Variants in BMPR1B observed in about 807,000 individuals in gnomAD.
BMPR1B encodes the protein bone morphogenetic protein receptor type-1B.
Under a neutral mutation model 59.1 loss-of-function variants are expected in BMPR1B, and 12 were observed. The observed-to-expected ratio is 0.20, with a 90% CI of 0.13 to 0.33. BMPR1B has a LOEUF of 0.33. Among genes scored for constraint, BMPR1B ranks in the 10% least tolerant of loss-of-function variants. BMPR1B has a pLI of 1.00. For missense variants in BMPR1B, 550 were observed against 610.9 expected, an observed-to-expected ratio of 0.90 and a Z score of 1.05; for synonymous variants, 237 against 207.3, an observed-to-expected ratio of 1.14 and a Z score of -1.23.
chr4:94,908,061 T>TAAAAA (rs571793477), intron 2 of BMPR1B, among the ~76,000 whole-genome samples: 16 of 46,250 alleles, frequency 3.5e-4, no homozygotes, highest in East Asian at 6.0e-4. Context: ...ACCCTGTCTT[T>TAAAAA]AAAAAAAAAA....
intron 3 of BMPR1B, among the ~76,000 whole-genome samples, chr4:94,997,606 T>C (rs893049016): frequency 1.1e-4 from 16 of 152,214 alleles, no homozygotes; most frequent in African/African-American, 3.9e-4. Context: ...TAATGCTTGT[T>C]TTATCATGTG....
At chr4:94,887,361 A>G in intron 2 of BMPR1B, among the ~76,000 whole-genome samples, 1 of 150,006 alleles carries the variant, frequency 6.7e-6, no homozygotes, top group East Asian at 2.0e-4. Flanking sequence ...ATTTTCATAC[A>G]AATCAATGGA....
intron 2 of BMPR1B, among the ~76,000 whole-genome samples, chr4:94,911,528 G>A (rs533813601): frequency 7.9e-5 from 12 of 152,082 alleles, no homozygotes; most frequent in African/African-American, 2.4e-4. Flanking sequence ...TTATGTTTCC[G>A]GGAGTCCTCT....
intron 4 of BMPR1B, among the ~76,000 whole-genome samples, chr4:95,113,806 A>T (rs1731803296): frequency 6.6e-6 from 1 of 152,108 alleles, no homozygotes; most frequent in Admixed American, 6.6e-5. Context: ...CCAGTTCCAT[A>T]ACTGTTTGTT....
At chr4:94,920,354 GTTAA>G (rs1303570986) in intron 2 of BMPR1B, among the ~76,000 whole-genome samples, 3 of 151,938 alleles carry the variant, frequency 2.0e-5, no homozygotes, top group African/African-American at 4.8e-5. Flanking sequence ...ATTGTCTCTT[GTTAA>G]TTAATTATAT....
At chr4:94,934,083 T>C (rs1729196040) in intron 2 of BMPR1B, among the ~76,000 whole-genome samples, 1 of 152,176 alleles carries the variant, frequency 6.6e-6, no homozygotes, top group Admixed American at 6.6e-5. Flanking sequence ...CATATGTGCA[T>C]GAGTGCACAT....
chr4:95,015,868 T>C (rs187207834), intron 3 of BMPR1B, among the ~76,000 whole-genome samples: 4 of 152,266 alleles, frequency 2.6e-5, no homozygotes, highest in African/African-American at 7.2e-5. Flanking sequence ...CATTTTTGTA[T>C]TTTTAGTGGA....
chr4:95,075,059 T>A (rs1466837473), intron 3 of BMPR1B, among the ~76,000 whole-genome samples: 4 of 152,178 alleles, frequency 2.6e-5, no homozygotes, highest in Non-Finnish European at 5.9e-5. Flanking sequence ...AACATCCCAC[T>A]TACTCTTAAG....
At chr4:94,925,276 T>C (rs529753002) in intron 2 of BMPR1B, among the ~76,000 whole-genome samples, 54 of 152,094 alleles carry the variant, frequency 3.6e-4, no homozygotes, top group African/African-American at 1.3e-3. Context: ...CTTTCTTCAC[T>C]CTAGAAATAT....
chr4:95,075,060 T>TAAGAGTAG (rs1728601611), intron 3 of BMPR1B, among the ~76,000 whole-genome samples: 4 of 152,290 alleles, frequency 2.6e-5, no homozygotes, highest in African/African-American at 9.6e-5. Context: ...ACATCCCACT[T>TAAGAGTAG]ACTCTTAAGT....
At chr4:94,890,354 T>C (rs1008389931) in intron 2 of BMPR1B, among the ~76,000 whole-genome samples, 3 of 152,094 alleles carry the variant, frequency 2.0e-5, no homozygotes, top group African/African-American at 7.2e-5. Flanking sequence ...GTTAAATAAA[T>C]GTAAAATTCT....
At chr4:95,066,811 T>C (rs1727844254) in intron 3 of BMPR1B, among the ~76,000 whole-genome samples, 1 of 152,194 alleles carries the variant, frequency 6.6e-6, no homozygotes. Context: ...AGCCCCTCAG[T>C]GATTTTGTTA....
chr4:94,968,357 G>A (rs1730638207), intron 2 of BMPR1B, among the ~76,000 whole-genome samples: 1 of 151,348 alleles, frequency 6.6e-6, no homozygotes, highest in Admixed American at 6.6e-5. Context: ...TTTTGTTGTT[G>A]TTGTTTTTTT....
chr4:94,921,888 A>G (rs1728703222), intron 2 of BMPR1B, among the ~76,000 whole-genome samples: 1 of 152,174 alleles, frequency 6.6e-6, no homozygotes, highest in South Asian at 2.1e-4. Context: ...GTTCATCTTT[A>G]AAAGAAGATC....
chr4:94,982,800 C>T (rs954863055), intron 2 of BMPR1B, among the ~76,000 whole-genome samples: 4 of 151,850 alleles, frequency 2.6e-5, no homozygotes, highest in East Asian at 1.9e-4. Context: ...CTGGCTAACA[C>T]GGTGAAACCC....
rs569198343 is a variant in BMPR1B at position 95,103,100 on chromosome 4, ATAT to A, written c.-17-1304_-17-1302del. Among the ~76,000 whole-genome samples, 18 of 152,220 alleles carry A rather than the reference ATAT, an allele frequency of 1.2e-4. No individual in the cohort carries two copies. In the South Asian group the frequency reaches 3.5e-3, roughly 30 times the overall value. On this transcript the variant is annotated intron_variant, in intron 3 of 12. Transcript: ENST00000515059. Reference sequence around the variant, plus strand: ...TTATAAATTTGAATAATCTAATGAAATATTATAGTTAATAGAGAGAAAATTCTG... The same window carrying A: ...TTATAAATTTGAATAATCTAATGAAATATAGTTAATAGAGAGAAAATTCTG...
intron 2 of BMPR1B, among the ~76,000 whole-genome samples, chr4:94,940,432 T>A (rs1372562368): frequency 6.6e-6 from 1 of 152,200 alleles, no homozygotes; most frequent in African/African-American, 2.4e-5. Context: ...TACCCCTGGC[T>A]TATGGGATTC....
intron 1 of BMPR1B, among the ~76,000 whole-genome samples, chr4:94,777,005 T>C (rs1007559038): frequency 6.6e-6 from 1 of 152,232 alleles, no homozygotes; most frequent in Non-Finnish European, 1.5e-5. Flanking sequence ...TTTCCTTATA[T>C]CATTACATAT....
At chr4:94,838,006 A>G (rs1483176911) in intron 1 of BMPR1B, among the ~76,000 whole-genome samples, 3 of 137,734 alleles carry the variant, frequency 2.2e-5, no homozygotes, top group South Asian at 2.5e-4. Context: ...TTCTGCATCT[A>G]TTGAGATAAT....
Sources: gnomAD v4.1 joint callset for allele counts (sites outside exome capture counted in the v4.1 genomes callset) on GRCh38, gnomAD v4.1.1 for gene constraint, MANE v1.5 for transcripts, NCBI Gene and HGNC (gene_info 2026-07-23, HGNC 2026-07-21) for gene names.